Variants in FBN2 observed in about 807,000 individuals in gnomAD.
FBN2 encodes fibrillin-2.
A neutral mutation model predicts 355.6 loss-of-function variants in FBN2; 105 were observed. That is an observed-to-expected ratio of 0.30 (90% CI 0.25 to 0.35). FBN2 has a LOEUF of 0.35. Ranked by LOEUF, FBN2 falls within the 10% of genes least tolerant of loss-of-function variation. The pLI is 1.00. For missense variants in FBN2, 3,280 were observed against 3,758.7 expected (o/e 0.87, Z 3.33); for synonymous variants, 1,350 against 1,301.2 (o/e 1.04, Z -0.81).
intron 1 of FBN2, 147 bp from the exon 2 acceptor site, chr5:128,536,631 G>A (rs1054670237): frequency 2.8e-6 from 2 of 711,914 alleles, no homozygotes; most frequent in African/African-American, 3.5e-5. Flanking sequence ...AGATCGGGAG[G>A]CAGACGTGGA....
At chr5:128,441,236 C>T (rs2127047432) in intron 7 of FBN2, among the ~76,000 whole-genome samples, 1 of 152,240 alleles carries the variant, frequency 6.6e-6, no homozygotes, top group East Asian at 1.9e-4. Flanking sequence ...TAGATTCTGG[C>T]CAGGGTACTA....
chr5:128,468,127 C>A (rs1173342267), intron 5 of FBN2, among the ~76,000 whole-genome samples: 1 of 152,158 alleles, frequency 6.6e-6, no homozygotes, highest in East Asian at 1.9e-4. Flanking sequence ...CAGTCAACCA[C>A]TAATCTAGTT....
At chr5:128,408,941 G>A (rs1753001308) in intron 7 of FBN2, 142 bp from the exon 8 acceptor site, 1 of 914,628 alleles carries the variant, frequency 1.1e-6, no homozygotes, top group Non-Finnish European at 1.7e-6. Flanking sequence ...CTTGTTTCAG[G>A]CCCCAAAGAA....
At chr5:128,439,742 T>C (rs1031854372) in intron 7 of FBN2, among the ~76,000 whole-genome samples, 1 of 152,122 alleles carries the variant, frequency 6.6e-6, no homozygotes, top group African/African-American at 2.4e-5. Context: ...TTATTTTATG[T>C]AACTGAATTT....
At chr5:128,313,354 C>T (rs992492136) in intron 36 of FBN2, among the ~76,000 whole-genome samples, 8 of 152,256 alleles carry the variant, frequency 5.3e-5, no homozygotes, top group Admixed American at 5.2e-4. Context: ...TGTATCTCAT[C>T]TCTCCCGTGA....
intron 16 of FBN2, 128 bp from the exon 17 acceptor site, chr5:128,366,558 A>G: frequency 1.8e-6 from 1 of 549,872 alleles, no homozygotes; most frequent in Non-Finnish European, 3.3e-6. Flanking sequence ...AGTGAAAAAA[A>G]TTACCATTTT....
At chr5:128,335,128 CAT>C in intron 30 of FBN2, 40 bp downstream of exon 30, 1 of 1,612,398 alleles carries the variant, frequency 6.2e-7, no homozygotes, top group Non-Finnish European at 8.5e-7. Flanking sequence ...GGTGTGTGTG[CAT>C]GTGTGTGTAT....
chr5:128,448,310 CTT>C (rs879871953), intron 6 of FBN2, among the ~76,000 whole-genome samples: 3 of 145,594 alleles, frequency 2.1e-5, no homozygotes, highest in East Asian at 2.0e-4. Flanking sequence ...AATTTTCTTT[CTT>C]TTTTTTTTTT....
intron 20 of FBN2, among the ~76,000 whole-genome samples, chr5:128,355,706 TA>T (rs755342832): frequency 1.3e-5 from 2 of 152,292 alleles, no homozygotes; most frequent in South Asian, 4.1e-4. Flanking sequence ...CTCTTTTTAA[TA>T]AAAAAGTACA....
intron 7 of FBN2, among the ~76,000 whole-genome samples, chr5:128,410,261 G>T (rs769441914): frequency 1.3e-5 from 2 of 152,156 alleles, no homozygotes; most frequent in Non-Finnish European, 2.9e-5. Flanking sequence ...GCAAAATTAG[G>T]TCCTGTTGCA....
At chr5:128,370,077 G>A (rs757119739) in intron 15 of FBN2, among the ~76,000 whole-genome samples, 1 of 152,074 alleles carries the variant, frequency 6.6e-6, no homozygotes, top group African/African-American at 2.4e-5. Flanking sequence ...TTCAGACAAG[G>A]TTTATGTGAC....
At chr5:128,371,382 A>G (rs331096) in intron 15 of FBN2, among the ~76,000 whole-genome samples, 27,805 of 152,056 alleles carry the variant, frequency 0.18, 2,875 homozygotes, top group Admixed American at 0.3. Context: ...CATCTTTTCC[A>G]TATGTTAGCA....
At chr5:128,310,620 T>C (rs1750028652) in intron 39 of FBN2, among the ~76,000 whole-genome samples, 1 of 152,020 alleles carries the variant, frequency 6.6e-6, no homozygotes, top group Non-Finnish European at 1.5e-5. Context: ...TTACATCCTA[T>C]TTCTTCCAGA....
chr5:128,502,896 T>C (rs1755856069), intron 5 of FBN2, among the ~76,000 whole-genome samples: 1 of 152,244 alleles, frequency 6.6e-6, no homozygotes, highest in Non-Finnish European at 1.5e-5. Context: ...AACATAAATT[T>C]AGCTTTTAAC....
intron 32 of FBN2, among the ~76,000 whole-genome samples, chr5:128,332,005 G>A (rs1561774615): frequency 1.3e-5 from 2 of 152,178 alleles, no homozygotes; most frequent in Non-Finnish European, 2.9e-5. Context: ...ACTTCACTAA[G>A]CCATTGCAGG....
At chr5:128,454,466 TG>T (rs1229838086) in intron 6 of FBN2, among the ~76,000 whole-genome samples, 1 of 152,266 alleles carries the variant, frequency 6.6e-6, no homozygotes, top group African/African-American at 2.4e-5. Flanking sequence ...GAATTTGTTT[TG>T]GCTGTAACTA....
At chr5:128,307,024 G>T in intron 42 of FBN2, 111 bp downstream of exon 42, 1 of 759,970 alleles carries the variant, frequency 1.3e-6, no homozygotes, top group Non-Finnish European at 2.3e-6. Context: ...TATTAGATTG[G>T]ATCCCAGATT....
intron 13 of FBN2, 117 bp downstream of exon 13, chr5:128,377,635 G>A: frequency 2.8e-6 from 3 of 1,077,334 alleles, no homozygotes; most frequent in Non-Finnish European, 4.3e-6. Context: ...TTTTACCTAA[G>A]TTACCTGAAG....
At chr5:128,341,775 TAAACTTCCTG>T (rs1288169642) in intron 25 of FBN2, among the ~76,000 whole-genome samples, 1 of 152,208 alleles carries the variant, frequency 6.6e-6, no homozygotes, top group African/African-American at 2.4e-5. Context: ...CAAGCCCCGA[TAAACTTCCTG>T]AATGCTCTTC....
Sources: gnomAD v4.1 joint callset for allele counts (sites outside exome capture counted in the v4.1 genomes callset) on GRCh38, gnomAD v4.1.1 for gene constraint, MANE v1.5 for transcripts, NCBI Gene and HGNC (gene_info 2026-07-23, HGNC 2026-07-21) for gene names.